AFTPH: variants seen among roughly 807,000 people sequenced by gnomAD.
AFTPH encodes the protein aftiphilin protein.
AFTPH carries 7 observed loss-of-function variants against 72.5 expected under a neutral mutation model. The observed-to-expected ratio is 0.10, with a 90% CI of 0.05 to 0.18. The LOEUF is 0.18. Ranked by LOEUF, AFTPH falls within the 10% of genes least tolerant of loss-of-function variation. The probability of loss-of-function intolerance (pLI) is 1.00; values close to 1 mark genes in which losing one functional copy is unlikely to be tolerated. For missense variants in AFTPH, 979 were observed against 1,060.5 expected (o/e 0.92, Z 1.07); for synonymous variants, 337 against 370.1 (o/e 0.91, Z 1.03).
At chr2:64,569,456 G>A (rs1036879279) in intron 4 of AFTPH, among the ~76,000 whole-genome samples, 167 bp from the exon 5 acceptor site, 2 of 152,096 alleles carry the variant, frequency 1.3e-5, no homozygotes, top group African/African-American at 4.8e-5. Flanking sequence ...ATAAAATGAA[G>A]GAATTGGACT....
At chr2:64,568,650 C>T (rs111742887) in intron 3 of AFTPH, among the ~76,000 whole-genome samples, 4,019 of 152,284 alleles carry the variant, frequency 0.026, 162 homozygotes, top group East Asian at 0.14. Flanking sequence ...GAGACAGTCT[C>T]GCTCTGTTGC....
At chr2:64,530,846 G>C (rs1669584021) in intron 1 of AFTPH, among the ~76,000 whole-genome samples, 1 of 151,972 alleles carries the variant, frequency 6.6e-6, no homozygotes, top group South Asian at 2.1e-4. Flanking sequence ...AGTATCACTT[G>C]AGGTCAGGAG....
intron 1 of AFTPH, among the ~76,000 whole-genome samples, chr2:64,530,831 G>A (rs1314639845): frequency 6.6e-6 from 1 of 152,018 alleles, no homozygotes; most frequent in African/African-American, 2.4e-5. Context: ...GGAGGCCGAG[G>A]CGGGAGTATC....
chr2:64,574,636 C>T (rs1238451546), intron 6 of AFTPH, among the ~76,000 whole-genome samples: 2 of 152,194 alleles, frequency 1.3e-5, no homozygotes, highest in East Asian at 3.8e-4. Flanking sequence ...GTGTTTTATA[C>T]TTGGGCATAG....
rs770160563 is a variant in AFTPH at position 64,581,219 on chromosome 2, G to C, written c.2455+1673G>C. ...TGGAGGTTCCACTCTTCTGAACCTT[G>C]ATTTCTTTGGGCCCGTGGATGACAG... On this transcript the variant is annotated intron_variant, in intron 7 of 8. Transcript: ENST00000238856. 3 of 1,600,444 alleles carry C rather than the reference G, an allele frequency of 1.9e-6. No individual in the cohort carries two copies. In the South Asian group the frequency reaches 3.4e-5, roughly 18 times the overall value.
At chr2:64,533,445 T>A (rs574398457) in intron 1 of AFTPH, among the ~76,000 whole-genome samples, 83 of 152,298 alleles carry the variant, frequency 5.4e-4, no homozygotes, top group Non-Finnish European at 8.4e-4. Flanking sequence ...AAAACTTACA[T>A]AATTATCTTC....
exon 2 of AFTPH, chr2:64,551,799 T>C: frequency 6.2e-7 from 1 of 1,613,572 alleles, no homozygotes; most frequent in South Asian, 1.1e-5. Flanking sequence ...TGTTTTACTT[T>C]CTACCACCAG....
At chr2:64,549,545 T>A (rs1242867694) in intron 1 of AFTPH, among the ~76,000 whole-genome samples, 1 of 151,912 alleles carries the variant, frequency 6.6e-6, no homozygotes, top group East Asian at 1.9e-4. Context: ...GGTCTTGAAC[T>A]CCTGACCTCA....
intron 1 of AFTPH, among the ~76,000 whole-genome samples, chr2:64,545,112 T>G (rs1670489240): frequency 6.6e-6 from 1 of 152,154 alleles, no homozygotes; most frequent in South Asian, 2.1e-4. Flanking sequence ...TTATTTCATT[T>G]TTAAAGAGTA....
exon 2 of AFTPH, chr2:64,553,339 G>A: frequency 6.2e-7 from 1 of 1,612,846 alleles, no homozygotes; most frequent in Non-Finnish European, 8.5e-7. Context: ...AAAACGCACA[G>A]TGTACCTTCA....
intron 5 of AFTPH, 118 bp from the exon 6 acceptor site, chr2:64,572,828 T>G: frequency 7.3e-7 from 1 of 1,371,330 alleles, no homozygotes; most frequent in Non-Finnish European, 9.8e-7. Context: ...ACTAGTTCCT[T>G]TTTGTCTTCA....
intron 2 of AFTPH, among the ~76,000 whole-genome samples, chr2:64,560,654 C>G (rs1047126959): frequency 6.6e-6 from 1 of 152,114 alleles, no homozygotes; most frequent in Non-Finnish European, 1.5e-5. Flanking sequence ...GGATGGATCA[C>G]TTGAGGTCAG....
chr2:64,568,160 A>T (rs1672202881), intron 3 of AFTPH, among the ~76,000 whole-genome samples: 1 of 152,062 alleles, frequency 6.6e-6, no homozygotes, highest in African/African-American at 2.4e-5. Context: ...GTTATATATT[A>T]TTTTTTGACT....
At chr2:64,529,006 A>G (rs1239610139) in intron 1 of AFTPH, among the ~76,000 whole-genome samples, 1 of 152,206 alleles carries the variant, frequency 6.6e-6, no homozygotes, top group Non-Finnish European at 1.5e-5. Context: ...AAGAGATGGT[A>G]GTGGCATGAA....
At chr2:64,557,983 T>C (rs1558612896) in intron 2 of AFTPH, among the ~76,000 whole-genome samples, 1 of 152,222 alleles carries the variant, frequency 6.6e-6, no homozygotes, top group Admixed American at 6.5e-5. Flanking sequence ...GGTCACTCTT[T>C]ATACAGCTTG....
chr2:64,537,528 A>G (rs969604931), intron 1 of AFTPH, among the ~76,000 whole-genome samples: 14 of 152,228 alleles, frequency 9.2e-5, no homozygotes, highest in Admixed American at 7.2e-4. Context: ...TCCTACCAAT[A>G]GTATCTTTTA....
At chr2:64,568,907 C>T (rs1021802855) in intron 3 of AFTPH, among the ~76,000 whole-genome samples, 185 bp from the exon 4 acceptor site, 1 of 152,212 alleles carries the variant, frequency 6.6e-6, no homozygotes, top group African/African-American at 2.4e-5. Context: ...CCACCGCACC[C>T]AGCCTTAGTT....
At chr2:64,545,549 A>G (rs1284735881) in intron 1 of AFTPH, among the ~76,000 whole-genome samples, 3 of 136,698 alleles carry the variant, frequency 2.2e-5, no homozygotes, top group Non-Finnish European at 4.7e-5. Context: ...GTATATCTGT[A>G]CAATGGAATG....
chr2:64,554,058 A>G (rs1671213663), intron 2 of AFTPH, among the ~76,000 whole-genome samples: 1 of 152,170 alleles, frequency 6.6e-6, no homozygotes, highest in African/African-American at 2.4e-5. Flanking sequence ...TTTAGTCCTA[A>G]AATAAGAAAT....
Sources: gnomAD v4.1 joint callset for allele counts (sites outside exome capture counted in the v4.1 genomes callset) on GRCh38, gnomAD v4.1.1 for gene constraint, MANE v1.5 for transcripts, NCBI Gene and HGNC (gene_info 2026-07-23, HGNC 2026-07-21) for gene names.